The following TBCCD1 variants were observed in gnomAD, a reference collection of about 807,000 sequenced individuals.
TBCCD1 encodes the protein TBCC domain-containing protein 1.
Under a neutral mutation model 53.4 loss-of-function variants are expected in TBCCD1, and 26 were observed. That is an observed-to-expected ratio of 0.49 (90% CI 0.36 to 0.68). The LOEUF (loss-of-function observed/expected upper bound fraction) is 0.68, where lower values mean the gene tolerates loss of function less well. Among genes scored for constraint, TBCCD1 ranks in the 30% least tolerant of loss-of-function variants. TBCCD1 has a pLI of 0.00. For missense variants in TBCCD1, 558 were observed against 669.5 expected, an observed-to-expected ratio of 0.83 and a Z score of 1.84; for synonymous variants, 245 against 241.7, an observed-to-expected ratio of 1.01 and a Z score of -0.13.
At chr3:186,566,188 C>A (rs111302183) in intron 1 of TBCCD1, among the ~76,000 whole-genome samples, 3,076 of 152,242 alleles carry the variant, frequency 0.02, 96 homozygotes, top group African/African-American at 0.07. Context: ...CAGGCTCCCG[C>A]CACCACGCCA....
At position 186,563,996 on chromosome 3, in the gene TBCCD1, G is replaced by T; in HGVS notation, c.334C>A (p.Gln112Lys). 6.2e-7 allele frequency: 1 copy of T among 1,605,828 alleles called. No homozygotes were observed. Among genetic ancestry groups the T allele is most frequent in the Non-Finnish European group, 8.5e-7 (1 of 1,175,816 alleles). Residue 112 changes from glutamine (Q) to lysine (K), a missense_variant and splice_region_variant, in exon 2 of 8, where the codon CAG (glutamine) becomes AAG (lysine). Transcript: ENST00000338733. The stretch of plus-strand genomic sequence containing the variant: ...TATACACACATATCAATCCGTACCT[G>T]ATTTCTCTGCTTTTCAACTTCCTCC... ...SEEEVEKQRN[Q>K]LSVDTLQFLL... is the part of the protein sequence containing the mutation.
At position 186,551,189 on chromosome 3, in the gene TBCCD1, A is replaced by G. The variant is rs776431723; in HGVS notation, c.1635T>C (p.Leu545=). ...GTTTGGAGCCTGCTGCAGGGGGTAC[A>G]AGGCTGTCCAGCTGTTGGCGATGTC... ...NTGHRQQLDS[L]VPPAAGSKQA... The change falls in exon 7 of 8, where the codon CTT becomes CTC. Residue 545 remains leucine (L), a synonymous_variant. Coordinates refer to ENST00000338733, the MANE Select transcript of TBCCD1 (RefSeq NM_018138.5). 2 of 1,612,592 alleles carry G rather than the reference A, an allele frequency of 1.2e-6. No homozygotes were observed. Among genetic ancestry groups the G allele is most frequent in the South Asian group, 2.2e-5 (2 of 90,992 alleles).
chr3:186,565,747 A>G (rs1714810195), intron 1 of TBCCD1, among the ~76,000 whole-genome samples: 1 of 152,096 alleles, frequency 6.6e-6, no homozygotes, highest in Non-Finnish European at 1.5e-5. Flanking sequence ...CTTTCTTCAT[A>G]TTTTCTGCAT....
Position 186,554,351 on chromosome 3 carries a change from G to T in TBCCD1, c.1447C>A (p.Pro483Thr), listed in dbSNP as rs748307351. The stretch of plus-strand genomic sequence containing the variant: ...TGATATACAGATGGAAGACCCCCGG[G>T]TATCTCTGTTGTGTCCCCTTCCATT... The part of the protein sequence containing the change: ...FEMEGDTTEI[P>T]GGLPSVYQKA... Residue 483 changes from proline to threonine, a missense_variant, in exon 6 of 8, where the codon CCC becomes ACC. By Grantham distance (38) the Pro-to-Thr change is conservative. Transcript: ENST00000338733. 8 of 1,614,194 alleles carry T rather than the reference G, an allele frequency of 5.0e-6. No individual in the cohort carries two copies. In the Admixed American group the frequency reaches 1.3e-4, roughly 27 times the overall value.
intron 1 of TBCCD1, among the ~76,000 whole-genome samples, chr3:186,565,064 A>AAAGGGC (rs1714788150): frequency 6.6e-6 from 1 of 151,988 alleles, no homozygotes; most frequent in Non-Finnish European, 1.5e-5. Context: ...TCCCACAAGT[A>AAAGGGC]AAGGGCAACA....
chr3:186,564,297 T>C lies in TBCCD1; in HGVS notation c.33A>G (p.Lys11=). ...AGGCACCCACTATAAAGGGTTCTGC[T>C]TTCACCCAGAGGAGAACTCTGGACT... MDQSRVLLWV[K]AEPFIVGALQ... Residue 11 remains lysine (K), a synonymous_variant, in exon 2 of 8, where the codon AAA becomes AAG. Coordinates refer to ENST00000338733, the MANE Select transcript of TBCCD1 (RefSeq NM_018138.5). 2.5e-6 allele frequency: 4 copies of C among 1,614,102 alleles called. No homozygotes were observed. The South Asian group carries it at 4.4e-5, about 18-fold the overall frequency.
rs768573493 is a variant in TBCCD1, at chr3:186,554,348, C to T, written c.1450G>A (p.Gly484Arg). ...EMEGDTTEIP[G>R]GLPSVYQKAL... ...TTCTGATATACAGATGGAAGACCCC[C>T]GGGTATCTCTGTTGTGTCCCCTTCC... Residue 484 changes from glycine to arginine, a missense_variant, in exon 6 of 8, where the codon GGG (glycine) becomes AGG (arginine). By Grantham distance (125) the Gly-to-Arg change is moderately radical. Transcript: ENST00000338733. 5.6e-6 allele frequency: 9 copies of T among 1,614,118 alleles called. No homozygotes were observed. The highest frequency in any genetic ancestry group is 5.5e-5 in the South Asian group (5 of 91,092).
chr3:186,561,418 T>C (rs1438652567), intron 2 of TBCCD1, among the ~76,000 whole-genome samples: 1 of 152,152 alleles, frequency 6.6e-6, no homozygotes, highest in East Asian at 1.9e-4. Context: ...TAACAAAAGA[T>C]TAACAAGTAT....
upstream of TBCCD1, among the ~76,000 whole-genome samples, chr3:186,569,715 G>A (rs544779524): frequency 6.6e-6 from 1 of 152,000 alleles, no homozygotes; most frequent in African/African-American, 2.4e-5. Flanking sequence ...TGGGGGCAAG[G>A]AGGCCAGTTA....
intron 1 of TBCCD1, among the ~76,000 whole-genome samples, chr3:186,565,092 A>G (rs1371120312): frequency 7.0e-6 from 1 of 142,304 alleles, no homozygotes; most frequent in Non-Finnish European, 1.5e-5. Context: ...ATTTTATTGT[A>G]TTTCCTTCTT....
chr3:186,554,777 A>T (rs369568343), intron 5 of TBCCD1, 26 bp from the exon 6 acceptor site: 1 of 1,600,586 alleles, frequency 6.2e-7, no homozygotes, highest in Non-Finnish European at 8.5e-7. Context: ...AATGAGGTAA[A>T]GTCCTCTGAA....
chr3:186,561,125 T>G (rs1050426262), intron 2 of TBCCD1, among the ~76,000 whole-genome samples: 1 of 152,104 alleles, frequency 6.6e-6, no homozygotes, highest in Non-Finnish European at 1.5e-5. Context: ...TTGAATTATA[T>G]CAAACTAAAA....
upstream of TBCCD1, chr3:186,570,143 T>G: frequency 1.4e-6 from 1 of 702,844 alleles, no homozygotes; most frequent in Non-Finnish European, 2.6e-6. Context: ...CGAACTTAAG[T>G]CGGTCTGTCA....
intron 2 of TBCCD1, 134 bp from the exon 3 acceptor site, chr3:186,558,706 A>C: frequency 1.2e-6 from 1 of 865,458 alleles, no homozygotes; most frequent in South Asian, 1.8e-5. Flanking sequence ...GCCAGTTTTG[A>C]TATGTATGTC....
At chr3:186,548,111 A>G (rs1028734909) in intron 7 of TBCCD1, among the ~76,000 whole-genome samples, 23 of 152,234 alleles carry the variant, frequency 1.5e-4, no homozygotes, top group Middle Eastern at 3.2e-3. Flanking sequence ...TGAAAAGTAG[A>G]CACAAGCCAA....
In TBCCD1 at chr3:186,564,061, C is replaced by T. The variant is rs771939296; in HGVS notation, c.269G>A (p.Arg90His). 9.3e-6 allele frequency: 15 copies of T among 1,614,150 alleles called. No homozygotes were observed. Among genetic ancestry groups the T allele is most frequent in the East Asian group, 2.2e-5 (1 of 44,892 alleles). The change falls in exon 2 of 8, where the codon CGC (arginine) becomes CAC (histidine). Residue 90 changes from arginine to histidine, a missense_variant. By Grantham distance (29) the Arg-to-His change is conservative (BLOSUM62 0). Transcript: ENST00000338733. ...DSLSMKTPEE[R>H]LEWSEVLSNC... ...GGACAGAACCTCAGACCATTCCAGG[C>T]GCTCCTCAGGTGTCTTCATTGAAAG...
upstream of TBCCD1, chr3:186,569,999 T>G (rs549111832): frequency 2.0e-5 from 12 of 595,448 alleles, no homozygotes; most frequent in African/African-American, 2.0e-4. Flanking sequence ...GATTTACCGA[T>G]TTTTTTCCCT....
rs1452025994 is a variant in TBCCD1 at position 186,546,108 on chromosome 3, A to C, written c.*869T>G. The stretch of plus-strand genomic sequence containing the variant: ...TATTGAAAATTTGAAGCAGGAAGTG[A>C]AAAATAAAGATTTTTTTAAACAATT... On this transcript the variant is annotated 3_prime_UTR_variant, in exon 8 of 8. Transcript: ENST00000338733. 2 of 152,236 alleles carry C rather than the reference A, an allele frequency of 1.3e-5. No homozygotes were observed. Among genetic ancestry groups the C allele is most frequent in the Non-Finnish European group, 2.9e-5 (2 of 68,030 alleles). 9.4% of individuals were successfully genotyped at this position (152,236 alleles called of 1,614,324 possible). A position where few individuals can be genotyped will look rare whatever the true frequency, so the allele number is the denominator to read the frequency against.
At chr3:186,551,301 A>C in intron 6 of TBCCD1, 22 bp from the exon 7 acceptor site, 1 of 1,604,418 alleles carries the variant, frequency 6.2e-7, no homozygotes, top group South Asian at 1.1e-5. Flanking sequence ...ATTATGAGTA[A>C]AAAGAATATA....
Sources: gnomAD v4.1 joint callset for allele counts (sites outside exome capture counted in the v4.1 genomes callset) on GRCh38, gnomAD v4.1.1 for gene constraint, MANE v1.5 for transcripts, NCBI Gene and HGNC (gene_info 2026-07-23, HGNC 2026-07-21) for gene names.